RAD51B: variants seen among roughly 807,000 people sequenced by gnomAD.
RAD51B encodes the protein DNA repair protein RAD51 homolog 2.
RAD51B carries 38 observed loss-of-function variants against 42.2 expected under a neutral mutation model. The observed-to-expected ratio is 0.90, with a 90% CI of 0.70 to 1.18. The LOEUF is 1.18. Among genes scored for constraint, RAD51B ranks in the 50% most tolerant of loss-of-function variants. The probability of loss-of-function intolerance (pLI) is 0.00; values close to 1 mark genes in which losing one functional copy is unlikely to be tolerated. For missense variants in RAD51B, 373 were observed against 400.7 expected (o/e 0.93, Z 0.59); for synonymous variants, 154 against 145.2 (o/e 1.06, Z -0.43).
intron 8 of RAD51B, among the ~76,000 whole-genome samples, chr14:68,407,841 G>A (rs1327464917): frequency 6.6e-6 from 1 of 152,134 alleles, no homozygotes; most frequent in African/African-American, 2.4e-5. Flanking sequence ...ACACAGTTGT[G>A]GGAAATGGAG....
At chr14:68,204,640 A>G (rs545533185) in intron 7 of RAD51B, among the ~76,000 whole-genome samples, 245 of 152,358 alleles carry the variant, frequency 1.6e-3, no homozygotes, top group African/African-American at 5.6e-3. Context: ...GTGGAGTACA[A>G]TAAAGTAAGG....
At chr14:67,889,250 A>T (rs2043148434) in intron 7 of RAD51B, among the ~76,000 whole-genome samples, 1 of 151,796 alleles carries the variant, frequency 6.6e-6, no homozygotes, top group African/African-American at 2.4e-5. Context: ...TATTTCCTTT[A>T]GAAAATGTTG....
At chr14:68,057,104 C>A (rs867224150) in intron 7 of RAD51B, among the ~76,000 whole-genome samples, 3,705 of 147,410 alleles carry the variant, frequency 0.025, 95 homozygotes, top group African/African-American at 0.066. Flanking sequence ...AAAAAAAAAA[C>A]AAAGGAAGAA....
chr14:68,112,882 TA>T lies in RAD51B; in HGVS notation c.757-178999del, dbSNP rs547394711. On this transcript the variant is annotated intron_variant, in intron 7 of 10. Transcript: ENST00000471583. ...ATGTCATCATTGTTTCTTTACAAAT[TA>T]AATAAACTTGCTACGTAGAAAATTT... Among the ~76,000 whole-genome samples the T allele has an allele frequency of 4.0e-3, 613 of 152,264 alleles. 6 individuals carry two copies. The highest frequency in any genetic ancestry group is 0.014 in the African/African-American group (587 of 41,560).
chr14:67,937,608 G>A (rs763911911), intron 7 of RAD51B, among the ~76,000 whole-genome samples: 2 of 152,170 alleles, frequency 1.3e-5, no homozygotes, highest in Non-Finnish European at 2.9e-5. Flanking sequence ...AAAATGAAGT[G>A]TGTCTTTGAC....
intron 7 of RAD51B, among the ~76,000 whole-genome samples, chr14:67,998,792 C>G (rs2075430047): frequency 6.6e-6 from 1 of 152,150 alleles, no homozygotes; most frequent in Non-Finnish European, 1.5e-5. Flanking sequence ...GTCAAAATGT[C>G]TCACAGTCTT....
At chr14:67,836,048 G>T (rs545163114) in intron 4 of RAD51B, among the ~76,000 whole-genome samples, 28 of 152,276 alleles carry the variant, frequency 1.8e-4, no homozygotes, top group African/African-American at 6.0e-4. Flanking sequence ...GAAGTGATAG[G>T]TTATTGGATT....
intron 7 of RAD51B, among the ~76,000 whole-genome samples, chr14:68,042,716 G>C (rs2076237086): frequency 6.6e-6 from 1 of 152,196 alleles, no homozygotes; most frequent in South Asian, 2.1e-4. Context: ...TTCAGGGGTT[G>C]TCAGTGTATA....
intron 7 of RAD51B, among the ~76,000 whole-genome samples, chr14:67,897,459 A>G (rs999729471): frequency 3.9e-5 from 6 of 152,170 alleles, no homozygotes; most frequent in African/African-American, 1.2e-4. Context: ...AAAGAACTGA[A>G]TAGAAATTTC....
intron 8 of RAD51B, among the ~76,000 whole-genome samples, chr14:68,381,398 G>A (rs893657099): frequency 6.6e-6 from 1 of 152,056 alleles, no homozygotes; most frequent in African/African-American, 2.4e-5. Flanking sequence ...AGAGTTGGCC[G>A]GGCACGGTGG....
Position 68,681,856 on chromosome 14 carries a change from A to T in RAD51B, c.*11+31000A>T, listed in dbSNP as rs75017423. On this transcript the variant is annotated intron_variant, in intron 11 of 11. Transcript: ENST00000488612. Reference sequence around the variant, plus strand: ...ACTTCTTTAATTGTCAAGAATGCATACATGCCATGCATATGAAAGATATAG... The same window carrying T: ...ACTTCTTTAATTGTCAAGAATGCATTCATGCCATGCATATGAAAGATATAG... 2.4e-3 allele frequency among the ~76,000 whole-genome samples: 369 copies of T among 152,314 alleles called. 7 individuals carry two copies. In the South Asian group the frequency reaches 0.037, roughly 15 times the overall value.
intron 10 of RAD51B, chr14:68,562,872 C>T: frequency 2.0e-6 from 2 of 985,418 alleles, no homozygotes; most frequent in Non-Finnish European, 2.4e-6. Context: ...AAGAGAGGAA[C>T]TCAGAAACCT....
intron 10 of RAD51B, among the ~76,000 whole-genome samples, chr14:68,644,960 TTGGTTTGTTTC>T (rs1376637955): frequency 2.0e-5 from 3 of 152,250 alleles, no homozygotes; most frequent in African/African-American, 7.2e-5. Context: ...ACTCAGTTTG[TTGGTTTGTTTC>T]ATTTTTTCAC....
downstream of RAD51B, among the ~76,000 whole-genome samples, chr14:68,613,184 G>C (rs931637538): frequency 6.6e-6 from 1 of 152,184 alleles, no homozygotes; most frequent in African/African-American, 2.4e-5. Context: ...GGGAGGCCAA[G>C]GTGGGCAGAT....
chr14:68,442,887 A>G (rs947519427), intron 9 of RAD51B, among the ~76,000 whole-genome samples: 16 of 152,198 alleles, frequency 1.1e-4, no homozygotes, highest in African/African-American at 3.6e-4. Flanking sequence ...CAATAAGAGG[A>G]GCTGCAGTAA....
At chr14:68,197,771 C>T (rs2140917799) in intron 7 of RAD51B, among the ~76,000 whole-genome samples, 1 of 152,218 alleles carries the variant, frequency 6.6e-6, no homozygotes, top group South Asian at 2.1e-4. Flanking sequence ...GCTTATTAAG[C>T]ACTCACATAT....
chr14:68,240,724 T>G (rs550155141), intron 7 of RAD51B, among the ~76,000 whole-genome samples: 28 of 152,342 alleles, frequency 1.8e-4, no homozygotes, highest in Middle Eastern at 3.4e-3. Flanking sequence ...CCAAGGAAAT[T>G]TGCCTTGATG....
chr14:68,120,108 A>G (rs1029306545), intron 7 of RAD51B, among the ~76,000 whole-genome samples: 1 of 152,020 alleles, frequency 6.6e-6, no homozygotes, highest in East Asian at 1.9e-4. Context: ...TTGGCTGCAT[A>G]AATGTCTTCT....
chr14:68,253,534 G>A (rs1265465875), intron 7 of RAD51B, among the ~76,000 whole-genome samples: 2 of 152,006 alleles, frequency 1.3e-5, no homozygotes, highest in Non-Finnish European at 1.5e-5. Flanking sequence ...TTTGTTTGTG[G>A]AATCATTTAT....
Sources: allele counts gnomAD v4.1 joint callset (sites outside exome capture counted in the v4.1 genomes callset), GRCh38; gene constraint gnomAD v4.1.1; transcripts MANE v1.5; gene names NCBI Gene and HGNC (gene_info 2026-07-23, HGNC 2026-07-21).